DCAF8L2: variants seen among roughly 807,000 people sequenced by gnomAD.
DCAF8L2 encodes the protein DDB1- and CUL4-associated factor 8-like protein 2.
For missense variants in DCAF8L2, 430 were observed against 490.7 expected (o/e 0.88, Z 1.17); for synonymous variants, 200 against 190.9 (o/e 1.05, Z -0.39).
chrX:27,700,479 C>T (rs1291465451), intron 3 of DCAF8L2, among the ~76,000 whole-genome samples: 3 of 110,366 alleles, frequency 2.7e-5, no homozygotes, highest in African/African-American at 9.9e-5. Context: ...CTTTATTTAC[C>T]ATTGGGGAAA....
At chrX:27,683,758 T>C (rs1000480865) in intron 3 of DCAF8L2, among the ~76,000 whole-genome samples, 4 of 111,657 alleles carry the variant, frequency 3.6e-5, no homozygotes, top group Non-Finnish European at 7.5e-5. Flanking sequence ...AGTATGAAAG[T>C]TCACTCCCTT....
intron 1 of DCAF8L2, among the ~76,000 whole-genome samples, chrX:27,620,758 G>T (rs779613118): frequency 9.0e-6 from 1 of 111,513 alleles, no homozygotes; most frequent in East Asian, 2.8e-4. Context: ...GTGGAAAACT[G>T]GTGTTCCTTC....
intron 2 of DCAF8L2, among the ~76,000 whole-genome samples, chrX:27,655,061 C>T (rs911544687): frequency 9.0e-6 from 1 of 110,939 alleles, no homozygotes; most frequent in Non-Finnish European, 1.9e-5. Context: ...ACCTAGTATA[C>T]TCCACAAACT....
the DCAF8L2 span, among the ~76,000 whole-genome samples, chrX:27,539,449 C>T: frequency 9.0e-6 from 1 of 111,279 alleles, no homozygotes; most frequent in Admixed American, 9.6e-5. Flanking sequence ...GAGGGAGAGA[C>T]AATCAATGGA....
chrX:27,488,985 C>G, the DCAF8L2 span, among the ~76,000 whole-genome samples: 1 of 111,848 alleles, frequency 8.9e-6, no homozygotes, highest in Non-Finnish European at 1.9e-5. Flanking sequence ...GTGGCATGAG[C>G]CACTGTGTCC....
chrX:27,533,253 A>G, the DCAF8L2 span, among the ~76,000 whole-genome samples: 3 of 102,626 alleles, frequency 2.9e-5, no homozygotes, highest in African/African-American at 1.0e-4. Flanking sequence ...AGAAAGAAAG[A>G]AAGAAAGTCA....
the DCAF8L2 span, among the ~76,000 whole-genome samples, chrX:27,551,865 G>T: frequency 9.0e-6 from 1 of 111,595 alleles, no homozygotes; most frequent in South Asian, 3.7e-4. Flanking sequence ...TTTAATTGTT[G>T]GATCATATGG....
chrX:27,511,898 A>G, the DCAF8L2 span, among the ~76,000 whole-genome samples: 1 of 111,875 alleles, frequency 8.9e-6, no homozygotes, highest in South Asian at 3.7e-4. Flanking sequence ...CAGGAAAGCA[A>G]TTCCATTTAC....
intron 3 of DCAF8L2, among the ~76,000 whole-genome samples, chrX:27,708,814 T>C (rs1323697513): frequency 8.9e-6 from 1 of 112,842 alleles, no homozygotes; most frequent in Admixed American, 9.4e-5. Context: ...AGCATTTCTT[T>C]CTACTACCCA....
At chrX:27,522,625 C>T in the DCAF8L2 span, among the ~76,000 whole-genome samples, 1 of 111,825 alleles carries the variant, frequency 8.9e-6, no homozygotes, top group Non-Finnish European at 1.9e-5. Context: ...TTACCAGACC[C>T]TGGAGACCAT....
the DCAF8L2 span, among the ~76,000 whole-genome samples, chrX:27,476,523 G>C: frequency 9.0e-6 from 1 of 111,183 alleles, no homozygotes; most frequent in African/African-American, 3.3e-5. Flanking sequence ...ATTTAGTTTG[G>C]ATGAGTTGAG....
intron 3 of DCAF8L2, among the ~76,000 whole-genome samples, chrX:27,684,923 T>G (rs1038876024): frequency 9.0e-6 from 1 of 111,591 alleles, no homozygotes; most frequent in Non-Finnish European, 1.9e-5. Flanking sequence ...CATTAATCTC[T>G]TATATCTATC....
the DCAF8L2 span, among the ~76,000 whole-genome samples, chrX:27,578,672 A>G: frequency 9.0e-6 from 1 of 111,554 alleles, no homozygotes; most frequent in African/African-American, 3.3e-5. Flanking sequence ...CAAATGTCTA[A>G]TAGCTGGAAT....
the DCAF8L2 span, among the ~76,000 whole-genome samples, chrX:27,561,604 C>G: frequency 9.0e-6 from 1 of 111,056 alleles, no homozygotes; most frequent in Non-Finnish European, 1.9e-5. Context: ...ACTCTGTACC[C>G]TAAAAAAACA....
At chrX:27,660,032 T>C (rs1929498996) in intron 2 of DCAF8L2, among the ~76,000 whole-genome samples, 1 of 111,761 alleles carries the variant, frequency 8.9e-6, no homozygotes. Flanking sequence ...TATTTGTTTG[T>C]TTGTTTTGAT....
In DCAF8L2 at chrX:27,709,085, A is replaced by C. The variant is rs183188514; in HGVS notation, c.-142-7003A>C. 9.3e-3 allele frequency among the ~76,000 whole-genome samples: 1,039 copies of C among 111,348 alleles called. 6 individuals are homozygous for C. The highest frequency in any genetic ancestry group is 0.032 in the African/African-American group (979 of 30,592). Reference sequence around the variant, plus strand: ...CAGGCATGTGCCACCACGCCCGGCTAATTTGGTATTTTTTTAGTAGAGACA... The same window carrying C: ...CAGGCATGTGCCACCACGCCCGGCTCATTTGGTATTTTTTTAGTAGAGACA... On this transcript the variant is annotated intron_variant, in intron 3 of 4. Coordinates refer to ENST00000451261, the MANE Select transcript of DCAF8L2 (RefSeq NM_001353450.2).
chrX:27,721,431 C>A (rs6630566), intron 4 of DCAF8L2, among the ~76,000 whole-genome samples: 1 of 110,810 alleles, frequency 9.0e-6, no homozygotes, highest in Admixed American at 9.7e-5. Context: ...TCCTGAATAT[C>A]GTAGAACTAC....
At chrX:27,628,685 G>A (rs1385020419) in intron 1 of DCAF8L2, among the ~76,000 whole-genome samples, 1 of 107,150 alleles carries the variant, frequency 9.3e-6, no homozygotes. Context: ...CTCACTGCAA[G>A]CTCCGCCTCC....
chrX:27,543,355 T>G, the DCAF8L2 span, among the ~76,000 whole-genome samples: 1 of 112,514 alleles, frequency 8.9e-6, no homozygotes. Flanking sequence ...TCTGTTTTTG[T>G]ATGAATACTA....
Sources: gnomAD v4.1 joint callset for allele counts (sites outside exome capture counted in the v4.1 genomes callset) on GRCh38, gnomAD v4.1.1 for gene constraint, MANE v1.5 for transcripts, NCBI Gene and HGNC (gene_info 2026-07-23, HGNC 2026-07-21) for gene names.